SLC25A21: variants seen among roughly 807,000 people sequenced by gnomAD.
SLC25A21 encodes the protein solute carrier family 25 member 21, also known as mitochondrial 2-oxodicarboxylate carrier.
Under a neutral mutation model 43.8 loss-of-function variants are expected in SLC25A21, and 47 were observed. The ratio of observed to expected loss-of-function variants is 1.07; its 90% CI spans 0.85 to 1.37. The LOEUF (loss-of-function observed/expected upper bound fraction) is 1.37, where lower values mean the gene tolerates loss of function less well. Among genes scored for constraint, SLC25A21 ranks in the 40% most tolerant of loss-of-function variants. The probability of loss-of-function intolerance (pLI) is 0.00; values close to 1 mark genes in which losing one functional copy is unlikely to be tolerated. For synonymous variants in SLC25A21, 131 were observed against 121.3 expected (o/e 1.08, Z -0.52); for missense variants, 352 against 350.2 (o/e 1.00, Z -0.04).
chr14:36,703,800 A>G (rs1165200366), intron 7 of SLC25A21, among the ~76,000 whole-genome samples: 3 of 152,236 alleles, frequency 2.0e-5, no homozygotes, highest in Non-Finnish European at 4.4e-5. Context: ...AATACACTCT[A>G]AACATCCCCA....
rs183987207 is a variant in SLC25A21 at position 37,007,644 on chromosome 14, T to C, written c.71-132640A>G. ...AATAAAGAACTTTGAGGCCATTCAG[T>C]ACTTTTAGGCCACTTTCTCAAGAAA... On this transcript the variant is annotated intron_variant, in intron 1 of 9. Transcript: ENST00000331299. 2.1e-3 allele frequency among the ~76,000 whole-genome samples: 290 copies of C among 139,694 alleles called. 2 individuals are homozygous for C. The highest frequency in any genetic ancestry group is 7.3e-3 in the African/African-American group (274 of 37,488). The allele number at this position is 139,694 out of a possible 152,430, so 91.6% of individuals were successfully genotyped here.
intron 3 of SLC25A21, among the ~76,000 whole-genome samples, chr14:36,768,941 A>AAC (rs996559133): frequency 2.1e-5 from 3 of 144,260 alleles, no homozygotes; most frequent in African/African-American, 8.2e-5. Context: ...ACCAAAAAAA[A>AAC]AAAAAACAAA....
chr14:36,758,948 T>G (rs893811291), intron 3 of SLC25A21, among the ~76,000 whole-genome samples: 1 of 152,194 alleles, frequency 6.6e-6, no homozygotes, highest in African/African-American at 2.4e-5. Flanking sequence ...GCATTATCCA[T>G]GTCAAAGGAG....
intron 1 of SLC25A21, among the ~76,000 whole-genome samples, chr14:36,978,464 T>C (rs1959933443): frequency 6.6e-6 from 1 of 152,202 alleles, no homozygotes; most frequent in African/African-American, 2.4e-5. Flanking sequence ...GCTAGGAAAA[T>C]GGCACTGATA....
chr14:36,905,596 A>G (rs1185685988), intron 1 of SLC25A21, among the ~76,000 whole-genome samples: 2 of 152,032 alleles, frequency 1.3e-5, no homozygotes, highest in Admixed American at 1.3e-4. Flanking sequence ...GGCTGCTACG[A>G]CTGTCACTTG....
intron 1 of SLC25A21, among the ~76,000 whole-genome samples, chr14:37,109,859 G>GA (rs1162603142): frequency 6.6e-6 from 1 of 152,002 alleles, no homozygotes; most frequent in Non-Finnish European, 1.5e-5. Flanking sequence ...TATAAAGTAA[G>GA]ATTTAAAAAG....
intron 2 of SLC25A21, among the ~76,000 whole-genome samples, chr14:36,829,414 C>A (rs1337179273): frequency 6.6e-6 from 1 of 152,164 alleles, no homozygotes; most frequent in African/African-American, 2.4e-5. Context: ...CAGGAGTTCA[C>A]TGTTCCCATC....
intron 1 of SLC25A21, among the ~76,000 whole-genome samples, chr14:37,097,390 G>A (rs1470008141): frequency 2.0e-5 from 3 of 151,630 alleles, no homozygotes; most frequent in African/African-American, 7.3e-5. Context: ...GTGAGCCACC[G>A]CACTCGGCCA....
chr14:36,908,054 A>G (rs993496817), intron 1 of SLC25A21, among the ~76,000 whole-genome samples: 2 of 152,166 alleles, frequency 1.3e-5, no homozygotes, highest in African/African-American at 4.8e-5. Context: ...ACAAAGAGTG[A>G]ATTTCAGGGA....
At chr14:37,032,958 T>G (rs1443450063) in intron 1 of SLC25A21, among the ~76,000 whole-genome samples, 1 of 152,190 alleles carries the variant, frequency 6.6e-6, no homozygotes, top group Admixed American at 6.5e-5. Flanking sequence ...TTTTCCATCT[T>G]TTTAAAAAAA....
At chr14:36,840,121 C>T (rs368097554) in intron 2 of SLC25A21, among the ~76,000 whole-genome samples, 25 of 152,200 alleles carry the variant, frequency 1.6e-4, no homozygotes, top group East Asian at 7.7e-4. Context: ...CCAGAGCTCA[C>T]GGAACTAACT....
At chr14:36,887,562 C>CAAA (rs11425888) in intron 1 of SLC25A21, among the ~76,000 whole-genome samples, 5 of 141,926 alleles carry the variant, frequency 3.5e-5, no homozygotes, top group African/African-American at 5.4e-5. Flanking sequence ...GACTCCATTG[C>CAAA]AAAAAAAAAA....
At chr14:37,007,879 A>G (rs1056468490) in intron 1 of SLC25A21, among the ~76,000 whole-genome samples, 1 of 152,112 alleles carries the variant, frequency 6.6e-6, no homozygotes, top group African/African-American at 2.4e-5. Context: ...TTGTCATACA[A>G]TTTCCACTTA....
chr14:37,048,599 T>G (rs145486364), intron 1 of SLC25A21, among the ~76,000 whole-genome samples: 202 of 152,276 alleles, frequency 1.3e-3, no homozygotes, highest in African/African-American at 4.8e-3. Context: ...CATAAGCCTA[T>G]GACATCTGAC....
At chr14:36,770,954 G>A (rs1886597502) in intron 3 of SLC25A21, among the ~76,000 whole-genome samples, 1 of 152,052 alleles carries the variant, frequency 6.6e-6, no homozygotes, top group Non-Finnish European at 1.5e-5. Context: ...TGTAATACTA[G>A]TACACCTCTC....
At chr14:37,022,792 ATTG>A (rs1255407846) in intron 1 of SLC25A21, among the ~76,000 whole-genome samples, 1 of 152,036 alleles carries the variant, frequency 6.6e-6, no homozygotes, top group Non-Finnish European at 1.5e-5. Context: ...GAAAACTAAT[ATTG>A]TTGTTAGTAA....
At chr14:36,973,027 T>A (rs1395739993) in intron 1 of SLC25A21, among the ~76,000 whole-genome samples, 1 of 140,902 alleles carries the variant, frequency 7.1e-6, no homozygotes, top group South Asian at 2.2e-4. Flanking sequence ...TTATTTATTT[T>A]ATTTTATTTT....
intron 3 of SLC25A21, among the ~76,000 whole-genome samples, chr14:36,745,932 C>T (rs1885478031): frequency 6.6e-6 from 1 of 151,846 alleles, no homozygotes; most frequent in African/African-American, 2.4e-5. Context: ...AGTTAGAATG[C>T]CTATTAAAAA....
intron 1 of SLC25A21, among the ~76,000 whole-genome samples, chr14:36,936,261 G>T (rs976220633): frequency 6.6e-6 from 1 of 152,104 alleles, no homozygotes; most frequent in Non-Finnish European, 1.5e-5. Flanking sequence ...TAAGGAATGG[G>T]CTTGACTGGA....
Sources: gnomAD v4.1 joint callset for allele counts (sites outside exome capture counted in the v4.1 genomes callset) on GRCh38, gnomAD v4.1.1 for gene constraint, MANE v1.5 for transcripts, NCBI Gene and HGNC (gene_info 2026-07-23, HGNC 2026-07-21) for gene names.